Variants in MMP21 observed in about 807,000 individuals in gnomAD.
MMP21 encodes matrix metalloproteinase-21.
MMP21 carries 40 observed loss-of-function variants against 47.8 expected under a neutral mutation model. The observed-to-expected ratio is 0.84, with a 90% CI of 0.65 to 1.09. MMP21 has a LOEUF of 1.09. Among genes scored for constraint, MMP21 ranks in the 50% least tolerant of loss-of-function variants. The pLI, the probability that MMP21 is intolerant of heterozygous loss-of-function variation, is 0.00. For synonymous variants in MMP21, 341 were observed against 318.0 expected (o/e 1.07, Z -0.77); for missense variants, 747 against 775.3 (o/e 0.96, Z 0.43).
intron 5 of MMP21, among the ~76,000 whole-genome samples, chr10:125,769,028 C>T (rs910823499): frequency 1.3e-5 from 2 of 152,136 alleles, no homozygotes; most frequent in Admixed American, 1.3e-4. Flanking sequence ...CAATTTAAAG[C>T]CCTATGGTTA....
chr10:125,774,156 T>C lies in MMP21; in HGVS notation c.372A>G (p.Pro124=). 1 of 1,275,666 alleles carries C rather than the reference T, an allele frequency of 7.8e-7. No individual in the cohort carries two copies. 79.0% of individuals were successfully genotyped at this position (1,275,666 alleles called of 1,614,324 possible). A position where few individuals can be genotyped will look rare whatever the true frequency, so the allele number is the denominator to read the frequency against. Residue 124 remains proline, a synonymous_variant, in exon 2 of 7, where the codon CCA becomes CCG. Coordinates refer to ENST00000368808, the MANE Select transcript of MMP21 (RefSeq NM_147191.1). ...RPRCGVPDMR[P]PPPSAPPSPP... is the part of the protein sequence containing the mutation. ...GCGAAGGCGGGGCGGAGGGGGGCGG[T>C]GGGCGCATGTCCGGGACCCCGCAGC...
In MMP21 at chr10:125,773,771, G is replaced by A; in HGVS notation, c.697+60C>T. On this transcript the variant is annotated intron_variant, in intron 2 of 6. Coordinates refer to ENST00000368808, the MANE Select transcript of MMP21 (RefSeq NM_147191.1). The surrounding 1 kb of genome is among the most constrained non-coding windows in gnomAD (Gnocchi z 4.8). Reference sequence around the variant, plus strand: ...TCTGCAGGTGGCCGAGGTGGGGGTAGGTGCGCCGGGGTCCCCGAGGGGCTG... The same window carrying A: ...TCTGCAGGTGGCCGAGGTGGGGGTAAGTGCGCCGGGGTCCCCGAGGGGCTG... 6.9e-7 allele frequency: 1 copy of A among 1,441,586 alleles called. No homozygotes were observed. The highest frequency in any genetic ancestry group is 9.1e-7 in the Non-Finnish European group (1 of 1,102,322). 89.3% of individuals were successfully genotyped at this position (1,441,586 alleles called of 1,614,324 possible). A position where few individuals can be genotyped will look rare whatever the true frequency, so the allele number is the denominator to read the frequency against.
chr10:125,769,056 C>T (rs1039768061), intron 5 of MMP21, among the ~76,000 whole-genome samples: 1 of 152,186 alleles, frequency 6.6e-6, no homozygotes, highest in Non-Finnish European at 1.5e-5. Context: ...AGGATTCAGG[C>T]AGAGGGGCTA....
At position 125,774,244 on chromosome 10, in the gene MMP21, G is replaced by T. The variant is rs28381282; in HGVS notation, c.284C>A (p.Ala95Glu). ...CTCCCCGCTGGCCGGCAGCGCGTTC[G>T]CCCGCTGGAACCTGCGCACCGCCTC... ...LAEAVRRFQR[A>E]NALPASGELD... The change falls in exon 2 of 7, where the codon GCG becomes GAG. Residue 95 changes from alanine (A) to glutamate (E), a missense_variant. Physicochemically the swap from Ala to Glu is moderately radical, Grantham distance 107. Coordinates refer to ENST00000368808, the MANE Select transcript of MMP21 (RefSeq NM_147191.1). 6 of 1,410,996 alleles carry T rather than the reference G, an allele frequency of 4.3e-6. No individual in the cohort carries two copies. The East Asian group carries it at 1.5e-4, about 36-fold the overall frequency. 87.4% of individuals were successfully genotyped at this position (1,410,996 alleles called of 1,614,324 possible). A position where few individuals can be genotyped will look rare whatever the true frequency, so the allele number is the denominator to read the frequency against.
Position 125,774,183 on chromosome 10 carries a change from C to T in MMP21, c.345G>A (p.Pro115=), listed in dbSNP as rs1333090292. 2 of 1,276,900 alleles carry T rather than the reference C, an allele frequency of 1.6e-6. No homozygotes were observed. Among genetic ancestry groups the T allele is most frequent in the South Asian group, 2.6e-5 (1 of 38,734 alleles). The allele number at this position is 1,276,900 out of a possible 1,614,324, so 79.1% of individuals were successfully genotyped here. ...DAATLAAMNR[P]RCGVPDMRPP... The stretch of plus-strand genomic sequence containing the variant: ...GGCGCATGTCCGGGACCCCGCAGCG[C>T]GGCCGGTTCATGGCCGCTAGGGTGG... The change falls in exon 2 of 7, where the codon CCG becomes CCA. Residue 115 remains proline (P), a synonymous_variant. Transcript: ENST00000368808.
Position 125,766,898 on chromosome 10 carries a change from C to T in MMP21, c.1474G>A (p.Val492Ile), listed in dbSNP as rs767652647. The T allele has an allele frequency of 4.3e-6, 7 of 1,612,744 alleles. No homozygotes were observed. Among genetic ancestry groups the T allele is most frequent in the Non-Finnish European group, 5.9e-6 (7 of 1,179,708 alleles). The change falls in exon 7 of 7, where the codon GTT becomes ATT. Residue 492 changes from valine (V) to isoleucine (I), a missense_variant. Transcript: ENST00000368808. ...TTTTGTGGTATTACTGCTGGAAAAA[C>T]TTCAGTAATCCTCTTTGGATAAGAA... ...LNSYPKRITEVFPAVIPQNHP... is the reference protein window; with the variant it reads ...LNSYPKRITEIFPAVIPQNHP...
Position 125,766,846 on chromosome 10 carries a change from G to A in MMP21, c.1526C>T (p.Ala509Val). The change falls in exon 7 of 7, where the codon GCT becomes GTT. Residue 509 changes from alanine to valine, a missense_variant. Physicochemically the swap from Ala to Val is moderately conservative, Grantham distance 64 (BLOSUM62 0). Transcript: ENST00000368808. Reference protein sequence around the residue: ...QNHPFRNIDSAYYSYAYNSIF... With the variant: ...QNHPFRNIDSVYYSYAYNSIF... Reference sequence around the variant, plus strand: ...GGAGTTGTATGCATAGGAGTAATAAGCGGAATCTATATTTCTGAAAGGATG... The same window carrying A: ...GGAGTTGTATGCATAGGAGTAATAAACGGAATCTATATTTCTGAAAGGATG... The A allele has an allele frequency of 6.2e-7, 1 of 1,613,790 alleles. No individual in the cohort carries two copies. The highest frequency in any genetic ancestry group is 8.5e-7 in the Non-Finnish European group (1 of 1,179,908).
chr10:125,774,431 C>G (rs965637940), intron 1 of MMP21, 66 bp from the exon 2 acceptor site: 6 of 1,182,316 alleles, frequency 5.1e-6, no homozygotes, highest in African/African-American at 1.6e-5. Context: ...CTGCCCTGCC[C>G]CAAAGTCTAG....
rs976944850 is a variant in MMP21 at position 125,772,110 on chromosome 10, G to A, written c.979+108C>T. ...CCTTGGGTGACATGAGTTGTACAAC[G>A]TTGCGCTCTTAGGCCCAGTTTCCCA... is the stretch of plus-strand genomic sequence containing the variant. On this transcript the variant is annotated intron_variant, in intron 4 of 6. Coordinates refer to ENST00000368808, the MANE Select transcript of MMP21 (RefSeq NM_147191.1). The surrounding 1 kb of genome is among the most constrained non-coding windows in gnomAD (Gnocchi z 5.6). 1.7e-5 allele frequency: 23 copies of A among 1,324,568 alleles called. No homozygotes were observed. Among genetic ancestry groups the A allele is most frequent in the African/African-American group, 4.3e-5 (3 of 69,004 alleles). The allele number at this position is 1,324,568 out of a possible 1,614,324, so 82.1% of individuals were successfully genotyped here. A position where few individuals can be genotyped will look rare whatever the true frequency, so the allele number is the denominator to read the frequency against.
chr10:125,775,472 A>C (rs1371764391), intron 1 of MMP21, among the ~76,000 whole-genome samples, 188 bp downstream of exon 1: 2 of 152,206 alleles, frequency 1.3e-5, no homozygotes. Context: ...GAATCAGGTT[A>C]AGCATCGATT....
chr10:125,775,625 C>T (rs752974312), intron 1 of MMP21, 35 bp downstream of exon 1: 3 of 1,573,950 alleles, frequency 1.9e-6, no homozygotes, highest in East Asian at 4.6e-5. Flanking sequence ...GTGCACGGGC[C>T]TGGGGGTATT....
rs755336811 is a variant in MMP21, at chr10:125,772,694, C to T, written c.754G>A (p.Ala252Thr). 2.0e-5 allele frequency: 33 copies of T among 1,614,062 alleles called. No individual in the cohort carries two copies. The highest frequency in any genetic ancestry group is 1.5e-4 in the African/African-American group (11 of 74,922). Reference protein sequence around the residue: ...FDGSGQEFAHAWRLGDIHFDD... With the variant: ...FDGSGQEFAHTWRLGDIHFDD... ...AAGTGAATGTCACCTAGGCGCCAGG[C>T]GTGTGCAAACTCCTGCCCGCTCCCA... Residue 252 changes from alanine to threonine, a missense_variant, in exon 3 of 7, where the codon GCC becomes ACC. Transcript: ENST00000368808. This position sits in a 1 kb window ranked among gnomAD's most constrained non-coding sequence, Gnocchi z 5.6.
intron 1 of MMP21, among the ~76,000 whole-genome samples, 176 bp downstream of exon 1, chr10:125,775,484 A>G (rs1355186951): frequency 6.6e-6 from 1 of 152,220 alleles, no homozygotes; most frequent in Non-Finnish European, 1.5e-5. Context: ...GCATCGATTC[A>G]TGGTTGTTCC....
intron 6 of MMP21, 45 bp from the exon 7 acceptor site, chr10:125,767,006 T>C (rs986896379): frequency 6.8e-7 from 1 of 1,465,988 alleles, no homozygotes; most frequent in Non-Finnish European, 9.1e-7. Flanking sequence ...AAATTATTAA[T>C]ATTTTTTGGT....
rs34811493 is a variant in MMP21 at position 125,772,659 on chromosome 10, G to A, written c.789C>T (p.Asp263=). The A allele has an allele frequency of 7.2e-5, 117 of 1,614,028 alleles. No individual in the cohort carries two copies. Among genetic ancestry groups the A allele is most frequent in the Middle Eastern group, 3.3e-4 (2 of 6,084 alleles). ...CACTGGTGGGAGGTGTGAAGTGCTC[G>A]TCGTCGTCAAAGTGAATGTCACCTA... The part of the protein sequence containing the change: ...WRLGDIHFDD[D]EHFTPPTSDT... The change falls in exon 3 of 7, where the codon GAC becomes GAT. Residue 263 remains aspartate (D), a synonymous_variant. Transcript: ENST00000368808. The surrounding 1 kb of genome is among the most constrained non-coding windows in gnomAD (Gnocchi z 5.6).
At chr10:125,770,254 C>T (rs1850430687) in intron 5 of MMP21, 80 bp downstream of exon 5, 1 of 1,441,694 alleles carries the variant, frequency 6.9e-7, no homozygotes. Flanking sequence ...ACAACAGATT[C>T]CTTGGTAGGG....
Position 125,774,260 on chromosome 10 carries a change from G to A in MMP21, c.268C>T (p.Arg90Cys), listed in dbSNP as rs1432689875. 2 of 1,420,220 alleles carry A rather than the reference G, an allele frequency of 1.4e-6. No individual in the cohort carries two copies. Among genetic ancestry groups the A allele is most frequent in the Non-Finnish European group, 1.8e-6 (2 of 1,092,128 alleles). The allele number at this position is 1,420,220 out of a possible 1,614,324, so 88.0% of individuals were successfully genotyped here. ...AGCGCGTTCGCCCGCTGGAACCTGCGCACCGCCTCGGCCAGGGCGGCGCCC... is the reference window on the plus strand; with the variant it reads ...AGCGCGTTCGCCCGCTGGAACCTGCACACCGCCTCGGCCAGGGCGGCGCCC... ...PKGAALAEAV[R>C]RFQRANALPA... The change falls in exon 2 of 7, where the codon CGC (arginine) becomes TGC (cysteine). Residue 90 changes from arginine to cysteine, a missense_variant. By Grantham distance (180) the Arg-to-Cys change is radical. Coordinates refer to ENST00000368808, the MANE Select transcript of MMP21 (RefSeq NM_147191.1).
chr10:125,766,556 C>G lies in MMP21; in HGVS notation c.*106G>C, dbSNP rs1319630067. 2.0e-5 allele frequency: 18 copies of G among 894,940 alleles called. No individual in the cohort carries two copies. The highest frequency in any genetic ancestry group is 2.8e-5 in the Non-Finnish European group (17 of 609,310). 55.4% of individuals were successfully genotyped at this position (894,940 alleles called of 1,614,324 possible). A position where few individuals can be genotyped will look rare whatever the true frequency, so the allele number is the denominator to read the frequency against. The stretch of plus-strand genomic sequence containing the variant: ...TAAGGCTTTTCCCATTGGGTTTTAA[C>G]TTACAGTGCCATATTTTCTTCAGCT... On this transcript the variant is annotated 3_prime_UTR_variant, in exon 7 of 7. Transcript: ENST00000368808.
chr10:125,772,746 C>T lies in MMP21; in HGVS notation c.702G>A (p.Arg234=), dbSNP rs765533690. The change falls in exon 3 of 7, where the codon CGG becomes CGA. Residue 234 remains arginine, a synonymous_variant. Coordinates refer to ENST00000368808, the MANE Select transcript of MMP21 (RefSeq NM_147191.1). The surrounding 1 kb of genome is among the most constrained non-coding windows in gnomAD (Gnocchi z 5.6). ...CGAAGGCCCGCGGACAGCCCAGGTG[C>T]CGGCCTGGCGAGGGGGAGGAGGAGT... The part of the protein sequence containing the change: ...VDIKLGFGRG[R]HLGCPRAFDG... 6.2e-7 allele frequency: 1 copy of T among 1,612,790 alleles called. No homozygotes were observed. The highest frequency in any genetic ancestry group is 1.1e-5 in the South Asian group (1 of 91,036).
Sources: gnomAD v4.1 joint callset for allele counts (sites outside exome capture counted in the v4.1 genomes callset) on GRCh38, gnomAD v4.1.1 for gene constraint, Gnocchi (gnomAD v3.1) non-coding constraint, MANE v1.5 for transcripts, NCBI Gene and HGNC (gene_info 2026-07-23, HGNC 2026-07-21) for gene names.